ROR1: variants seen among roughly 807,000 people sequenced by gnomAD.
ROR1 encodes the protein inactive tyrosine-protein kinase transmembrane receptor ROR1.
In ROR1, 19 loss-of-function variants were observed where a neutral mutation model predicts 78.8. The ratio of observed to expected loss-of-function variants is 0.24; its 90% CI spans 0.17 to 0.35. The LOEUF is 0.35. ROR1 is among the 10% of genes least tolerant of loss of function. The pLI, the probability that ROR1 is intolerant of heterozygous loss-of-function variation, is 1.00. For missense variants in ROR1, 917 were observed against 1,177.8 expected (o/e 0.78, Z 3.24); for synonymous variants, 386 against 433.6 (o/e 0.89, Z 1.36).
At chr1:64,142,047 G>A (rs1649332591) in intron 6 of ROR1, among the ~76,000 whole-genome samples, 1 of 152,190 alleles carries the variant, frequency 6.6e-6, no homozygotes, top group South Asian at 2.1e-4. Context: ...AGTCAGAATG[G>A]AAGGAAAAGT....
intron 8 of ROR1, among the ~76,000 whole-genome samples, chr1:64,175,027 G>T (rs1376167275): frequency 6.7e-6 from 1 of 149,056 alleles, no homozygotes; most frequent in Non-Finnish European, 1.5e-5. Context: ...TAAAAAAATA[G>T]TTATTTAATT....
chr1:63,958,172 TTTATTA>T, intron 1 of ROR1, among the ~76,000 whole-genome samples: 1 of 152,364 alleles, frequency 6.6e-6, no homozygotes. Context: ...ACATGAATTA[TTTATTA>T]TTATGCAAGT....
intron 1 of ROR1, among the ~76,000 whole-genome samples, chr1:63,973,937 A>G (rs1489961228): frequency 1.3e-5 from 2 of 152,220 alleles, no homozygotes; most frequent in Admixed American, 1.3e-4. Context: ...TGCTACACGG[A>G]GACATTTTTT....
intron 2 of ROR1, among the ~76,000 whole-genome samples, chr1:64,031,185 A>G (rs1646657054): frequency 6.6e-6 from 1 of 152,214 alleles, no homozygotes; most frequent in Admixed American, 6.5e-5. Flanking sequence ...GTTAGTATTT[A>G]TGAAGCTGTT....
chr1:64,151,718 C>CA (rs10609701), intron 7 of ROR1, among the ~76,000 whole-genome samples: 39 of 146,580 alleles, frequency 2.7e-4, no homozygotes, highest in African/African-American at 9.9e-4. Flanking sequence ...ACTAAAAATA[C>CA]AAAAAAAAAA....
intron 4 of ROR1, chr1:64,094,733 G>A (rs1224144759): frequency 1.3e-5 from 2 of 152,374 alleles, no homozygotes; most frequent in Admixed American, 1.3e-4. Context: ...GGGATTATAA[G>A]CATGTGCCAC....
chr1:64,066,563 C>G (rs1165183417), intron 4 of ROR1: 1 of 152,172 alleles, frequency 6.6e-6, no homozygotes, highest in Non-Finnish European at 1.5e-5. Context: ...ATCCACCTAC[C>G]TCGGCCTCCC....
intron 1 of ROR1, among the ~76,000 whole-genome samples, chr1:63,886,150 G>A (rs1645355709): frequency 6.6e-6 from 1 of 152,136 alleles, no homozygotes; most frequent in South Asian, 2.1e-4. Context: ...TGCCATCGCT[G>A]GCTGATCTGA....
intron 4 of ROR1, among the ~76,000 whole-genome samples, chr1:64,129,291 C>A (rs2100696934): frequency 6.6e-6 from 1 of 152,270 alleles, no homozygotes; most frequent in Non-Finnish European, 1.5e-5. Context: ...CACAAACCTT[C>A]TCTTTTTCAA....
At chr1:63,940,067 G>A (rs1206837866) in intron 1 of ROR1, among the ~76,000 whole-genome samples, 1 of 152,196 alleles carries the variant, frequency 6.6e-6, no homozygotes. Context: ...TTTAGGAAGA[G>A]TTGGATGATG....
At chr1:63,915,499 A>G (rs60812815) in intron 1 of ROR1, among the ~76,000 whole-genome samples, 4,433 of 152,178 alleles carry the variant, frequency 0.029, 228 homozygotes, top group African/African-American at 0.1. Context: ...TACATGAATA[A>G]ATGCTTAGTG....
chr1:64,130,974 A>G (rs1049852717), intron 4 of ROR1, among the ~76,000 whole-genome samples: 2 of 152,170 alleles, frequency 1.3e-5, no homozygotes, highest in Admixed American at 1.3e-4. Flanking sequence ...AGGTGGCCCG[A>G]TTCACAAGTT....
At chr1:63,957,498 C>T (rs979398362) in intron 1 of ROR1, among the ~76,000 whole-genome samples, 2 of 152,158 alleles carry the variant, frequency 1.3e-5, no homozygotes, top group African/African-American at 2.4e-5. Flanking sequence ...GATGAGGACC[C>T]CCCCTTGCAT....
rs548445589 is a variant in ROR1 at position 64,041,320 on chromosome 1, A to C, written c.164-8371A>C. ...ATTAATTATACCTGAGACATAAAAC[A>C]ATCTAAATGCTGGAGACCAGCCACT... On this transcript the variant is annotated intron_variant, in intron 2 of 8. Coordinates refer to ENST00000371079, the MANE Select transcript of ROR1 (RefSeq NM_005012.4). Among the ~76,000 whole-genome samples the C allele has an allele frequency of 2.6e-5, 4 of 152,292 alleles. No homozygotes were observed. The South Asian group carries it at 8.3e-4, about 32-fold the overall frequency.
At chr1:64,050,539 G>T (rs1164085784) in intron 3 of ROR1, 147 bp from the exon 4 acceptor site, 2 of 760,276 alleles carry the variant, frequency 2.6e-6, no homozygotes, top group South Asian at 1.8e-5. Context: ...ATGGTTGGGG[G>T]AATAGAGCAA....
chr1:63,851,793 T>A (rs916578166), intron 1 of ROR1, among the ~76,000 whole-genome samples: 1 of 152,218 alleles, frequency 6.6e-6, no homozygotes, highest in African/African-American at 2.4e-5. Context: ...TGAAAAATGA[T>A]TTGTAATGAT....
intron 1 of ROR1, among the ~76,000 whole-genome samples, chr1:63,796,655 G>A (rs1644762821): frequency 6.6e-6 from 1 of 152,190 alleles, no homozygotes; most frequent in Non-Finnish European, 1.5e-5. Flanking sequence ...TTTAAAGGCA[G>A]AAACAGGCAC....
intron 4 of ROR1, among the ~76,000 whole-genome samples, chr1:64,065,461 G>A (rs1056070411): frequency 8.5e-5 from 13 of 152,136 alleles, no homozygotes; most frequent in African/African-American, 2.9e-4. Context: ...TACAGACAAG[G>A]GAAACAGTAC....
intron 4 of ROR1, among the ~76,000 whole-genome samples, chr1:64,057,339 C>A (rs9804050): frequency 0.042 from 6,434 of 152,198 alleles, 462 homozygotes; most frequent in African/African-American, 0.15. Flanking sequence ...CTATTCAGTT[C>A]TACATAGTCT....
Sources: gnomAD v4.1 joint callset for allele counts (sites outside exome capture counted in the v4.1 genomes callset) on GRCh38, gnomAD v4.1.1 for gene constraint, MANE v1.5 for transcripts, NCBI Gene and HGNC (gene_info 2026-07-23, HGNC 2026-07-21) for gene names.